CPED1: variants seen among roughly 807,000 people sequenced by gnomAD.
CPED1 encodes cadherin-like and PC-esterase domain-containing protein 1.
Under a neutral mutation model 128.2 loss-of-function variants are expected in CPED1, and 114 were observed. The ratio of observed to expected loss-of-function variants is 0.89; its 90% CI spans 0.76 to 1.04. The LOEUF (loss-of-function observed/expected upper bound fraction) is 1.04, where lower values mean the gene tolerates loss of function less well. CPED1 is among the 50% of genes least tolerant of loss of function. CPED1 has a pLI of 0.00. For missense variants in CPED1, 1,211 were observed against 1,207.1 expected (o/e 1.00, Z -0.05); for synonymous variants, 462 against 426.7 (o/e 1.08, Z -1.02).
intron 3 of CPED1, among the ~76,000 whole-genome samples, chr7:121,043,000 C>A (rs565161348): frequency 3.3e-5 from 5 of 152,342 alleles, no homozygotes; most frequent in Middle Eastern, 3.4e-3. Context: ...GATGTCTTAG[C>A]ACTTCTTACT....
chr7:121,036,489 G>GTGTATATA (rs1554425202), intron 3 of CPED1, among the ~76,000 whole-genome samples: 8 of 138,658 alleles, frequency 5.8e-5, no homozygotes, highest in South Asian at 2.3e-4. Context: ...CATGGTGTGT[G>GTGTATATA]TATATATATA....
chr7:121,044,324 TC>T (rs1220726965), intron 3 of CPED1, among the ~76,000 whole-genome samples: 2 of 152,142 alleles, frequency 1.3e-5, no homozygotes, highest in Non-Finnish European at 2.9e-5. Flanking sequence ...GAAGTGGGAT[TC>T]AATGCGGGTA....
intron 22 of CPED1, among the ~76,000 whole-genome samples, chr7:121,283,415 A>G (rs1179613382): frequency 2.6e-5 from 4 of 152,232 alleles, no homozygotes; most frequent in African/African-American, 9.6e-5. Context: ...AATCTAGACA[A>G]GAACACAATA....
intron 16 of CPED1, among the ~76,000 whole-genome samples, chr7:121,206,565 C>T (rs1797522128): frequency 6.6e-6 from 1 of 151,474 alleles, no homozygotes. Flanking sequence ...CTAATCTTGC[C>T]CCAGACATCA....
At position 121,142,017 on chromosome 7, in the gene CPED1, T is replaced by A. The variant is rs938127816; in HGVS notation, c.1931T>A (p.Ile644Lys). The A allele has an allele frequency of 3.1e-6, 5 of 1,612,646 alleles. No homozygotes were observed. Among genetic ancestry groups the A allele is most frequent in the Admixed American group, 3.3e-5 (2 of 59,882 alleles). ...GGCTTAGGAATGAACAAAATCTCAA[T>A]ATTTGTTGTGGATGAATCTCCAGCA... ...PLGLGMNKIS[I>K]FVVDESPAHG... Residue 644 changes from isoleucine to lysine, a missense_variant, in exon 16 of 23, where the codon ATA (isoleucine) becomes AAA (lysine). Physicochemically the swap from Ile to Lys is moderately radical, Grantham distance 102. Coordinates refer to ENST00000310396, the MANE Select transcript of CPED1 (RefSeq NM_024913.5).
chr7:121,181,973 A>C (rs931291433), intron 16 of CPED1, among the ~76,000 whole-genome samples: 1 of 152,106 alleles, frequency 6.6e-6, no homozygotes, highest in Admixed American at 6.6e-5. Context: ...GAAATTTAAA[A>C]GTCACGTTTA....
intron 3 of CPED1, among the ~76,000 whole-genome samples, chr7:121,030,540 T>C (rs1416863014): frequency 1.3e-5 from 2 of 152,212 alleles, no homozygotes; most frequent in Admixed American, 6.5e-5. Context: ...CCCTACCCTT[T>C]GAGTCACTTG....
intron 3 of CPED1, among the ~76,000 whole-genome samples, chr7:121,031,322 T>C (rs1361709428): frequency 6.6e-6 from 1 of 152,156 alleles, no homozygotes; most frequent in Non-Finnish European, 1.5e-5. Context: ...TCTTTTTTTG[T>C]TTTTTTCGAG....
chr7:121,037,703 T>G (rs1792934810), intron 3 of CPED1, among the ~76,000 whole-genome samples: 1 of 152,128 alleles, frequency 6.6e-6, no homozygotes, highest in Non-Finnish European at 1.5e-5. Context: ...GGGAATTGCA[T>G]TGAGTTTGTA....
At chr7:121,087,233 A>G (rs1271589589) in intron 5 of CPED1, among the ~76,000 whole-genome samples, 1 of 152,140 alleles carries the variant, frequency 6.6e-6, no homozygotes. Context: ...TCAATACACA[A>G]TAAATTTTTT....
chr7:121,082,054 G>T (rs1257110942), intron 5 of CPED1, among the ~76,000 whole-genome samples: 1 of 152,146 alleles, frequency 6.6e-6, no homozygotes, highest in Non-Finnish European at 1.5e-5. Flanking sequence ...TACAGTGATG[G>T]CAGAAATCAG....
chr7:121,289,346 A>C (rs1342559265), intron 22 of CPED1, among the ~76,000 whole-genome samples: 3 of 152,234 alleles, frequency 2.0e-5, no homozygotes, highest in African/African-American at 7.2e-5. Flanking sequence ...ATTACATAAT[A>C]ATGCACATTC....
intron 16 of CPED1, among the ~76,000 whole-genome samples, chr7:121,186,504 A>C (rs1311145172): frequency 1.3e-5 from 2 of 152,116 alleles, no homozygotes; most frequent in East Asian, 3.9e-4. Flanking sequence ...TAGAAAGCTG[A>C]ACACCAGCAT....
intron 6 of CPED1, among the ~76,000 whole-genome samples, chr7:121,098,913 A>G (rs2116219370): frequency 6.7e-6 from 1 of 150,052 alleles, no homozygotes; most frequent in South Asian, 2.1e-4. Context: ...TGATGTAGAA[A>G]AGCAAATAAT....
chr7:121,082,717 G>T (rs1794323613), intron 5 of CPED1, among the ~76,000 whole-genome samples: 1 of 152,066 alleles, frequency 6.6e-6, no homozygotes, highest in Non-Finnish European at 1.5e-5. Flanking sequence ...GAACCTCTGG[G>T]CTACACAGCT....
chr7:121,250,953 C>T (rs1798657874), intron 18 of CPED1, among the ~76,000 whole-genome samples: 1 of 152,112 alleles, frequency 6.6e-6, no homozygotes, highest in Non-Finnish European at 1.5e-5. Context: ...GGGAATCCTC[C>T]CTAACTCATT....
chr7:121,223,469 C>T (rs973355631), intron 16 of CPED1, among the ~76,000 whole-genome samples: 3 of 152,154 alleles, frequency 2.0e-5, no homozygotes, highest in African/African-American at 7.2e-5. Flanking sequence ...ATGCTGGCCT[C>T]ATAAAATGAG....
intron 16 of CPED1, among the ~76,000 whole-genome samples, chr7:121,200,217 G>A (rs1009135132): frequency 2.6e-5 from 4 of 152,026 alleles, no homozygotes; most frequent in African/African-American, 9.7e-5. Flanking sequence ...TGTGGCCTGA[G>A]AAACATCACT....
chr7:121,043,096 G>T (rs1793100833), intron 3 of CPED1, among the ~76,000 whole-genome samples: 1 of 150,330 alleles, frequency 6.7e-6, no homozygotes, highest in Admixed American at 6.6e-5. Context: ...GAAAGAGCCT[G>T]TCCTAGGCCA....
Sources: gnomAD v4.1 joint callset for allele counts (sites outside exome capture counted in the v4.1 genomes callset) on GRCh38, gnomAD v4.1.1 for gene constraint, MANE v1.5 for transcripts, NCBI Gene and HGNC (gene_info 2026-07-23, HGNC 2026-07-21) for gene names.